Variants in CHD5 observed in about 807,000 individuals in gnomAD.
CHD5 encodes the protein chromodomain helicase DNA binding protein 5.
In CHD5, 69 loss-of-function variants were observed where a neutral mutation model predicts 230.3. The observed-to-expected ratio is 0.30, with a 90% confidence interval of 0.25 to 0.37. The LOEUF is 0.37. Ranked by LOEUF, CHD5 falls within the 10% of genes least tolerant of loss-of-function variation. The pLI is 1.00. For missense variants in CHD5, 1,827 were observed against 2,622.8 expected (o/e 0.70, Z 6.63); for synonymous variants, 1,064 against 1,065.9 (o/e 1.00, Z 0.03).
intron 15 of CHD5, among the ~76,000 whole-genome samples, chr1:6,139,286 C>T (rs1205830450): frequency 6.6e-6 from 1 of 152,086 alleles, no homozygotes; most frequent in Non-Finnish European, 1.5e-5. Context: ...GCTCTTGTTG[C>T]CCAGGCTGGA....
Position 6,167,356 on chromosome 1 carries a change from G to A in CHD5, c.207+794C>T, listed in dbSNP as rs76044468. Reference sequence around the variant, plus strand: ...TCTGTGAAGTGAGGTGCTTGCCATTGCTCTCAACATAGGGTCGCTTGGAGG... The same window carrying A: ...TCTGTGAAGTGAGGTGCTTGCCATTACTCTCAACATAGGGTCGCTTGGAGG... On this transcript the variant is annotated intron_variant, in intron 2 of 41. Coordinates refer to ENST00000262450, the MANE Select transcript of CHD5 (RefSeq NM_015557.3). This position sits in a 1 kb window ranked among gnomAD's most constrained non-coding sequence, Gnocchi z 4.5. 3.4e-3 allele frequency among the ~76,000 whole-genome samples: 518 copies of A among 152,278 alleles called. 5 individuals carry two copies. The highest frequency in any genetic ancestry group is 0.012 in the African/African-American group (504 of 41,552).
Position 6,144,020 on chromosome 1 carries a change from C to T in CHD5, c.1934+4G>A. ...TGCCTAGCAGCCGGATCCCTGCGACCCACCTGTGGCCCCAGTAGGCCTGCT... is the reference window on the plus strand; with the variant it reads ...TGCCTAGCAGCCGGATCCCTGCGACTCACCTGTGGCCCCAGTAGGCCTGCT... On this transcript the variant is annotated splice_donor_region_variant and intron_variant, in intron 12 of 41. Transcript: ENST00000262450. The T allele has an allele frequency of 1.2e-6, 2 of 1,614,140 alleles. No individual in the cohort carries two copies. Among genetic ancestry groups the T allele is most frequent in the South Asian group, 1.1e-5 (1 of 91,076 alleles).
chr1:6,154,648 C>T lies in CHD5; in HGVS notation c.745+12G>A. On this transcript the variant is annotated intron_variant, in intron 5 of 41. Transcript: ENST00000262450. This position sits in a 1 kb window ranked among gnomAD's most constrained non-coding sequence, Gnocchi z 7.0. ...CCAGCGGGACTAGGTGCCCACCCAA[C>T]CCCAGCCTTACCTTTGCCCTCCTTG... The T allele has an allele frequency of 6.5e-7, 1 of 1,543,384 alleles. No homozygotes were observed.
At chr1:6,123,431 C>A (rs542172081) in intron 31 of CHD5, among the ~76,000 whole-genome samples, 112 of 146,792 alleles carry the variant, frequency 7.6e-4, no homozygotes, top group African/African-American at 2.4e-3. Flanking sequence ...CTGAATAGTA[C>A]TTTTTTTTTT....
chr1:6,110,639 C>G (rs4908780), intron 36 of CHD5, 113 bp from the exon 37 acceptor site: 126,576 of 1,109,782 alleles, frequency 0.11, 8,437 homozygotes, highest in East Asian at 0.18. Flanking sequence ...TCTGGCTGTA[C>G]GCTCTCAGGC....
chr1:6,143,747 A>C, intron 13 of CHD5, 76 bp downstream of exon 13: 1 of 1,277,744 alleles, frequency 7.8e-7, no homozygotes, highest in Non-Finnish European at 1.1e-6. Flanking sequence ...GAGAACACAC[A>C]CCCCCTGCAC....
intron 2 of CHD5, among the ~76,000 whole-genome samples, chr1:6,160,815 T>C (rs1008984699): frequency 7.9e-5 from 12 of 152,224 alleles, no homozygotes; most frequent in African/African-American, 2.7e-4. Flanking sequence ...CCCATTTATA[T>C]GGAGATAAGG....
Position 6,105,556 on chromosome 1 carries a change from A to G in CHD5, c.*47-129T>C. On this transcript the variant is annotated intron_variant, in intron 41 of 41. Coordinates refer to ENST00000262450, the MANE Select transcript of CHD5 (RefSeq NM_015557.3). This position sits in a 1 kb window ranked among gnomAD's most constrained non-coding sequence, Gnocchi z 4.8. ...ATGATCGGGGTGCCCCCCAGCCATG[A>G]CCTCCCAGCCACAGGCTGCCGGGCC... 3.0e-6 allele frequency: 1 copy of G among 332,784 alleles called. No individual in the cohort carries two copies. 20.6% of individuals were successfully genotyped at this position (332,784 alleles called of 1,614,324 possible). A position where few individuals can be genotyped will look rare whatever the true frequency, so the allele number is the denominator to read the frequency against.
intron 11 of CHD5, among the ~76,000 whole-genome samples, chr1:6,145,183 C>G (rs889665291): frequency 6.6e-6 from 1 of 152,188 alleles, no homozygotes; most frequent in Non-Finnish European, 1.5e-5. Context: ...GAAGACCACC[C>G]ACAGCCAGCC....
At chr1:6,145,209 T>TC (rs1666892161) in intron 11 of CHD5, among the ~76,000 whole-genome samples, 1 of 152,168 alleles carries the variant, frequency 6.6e-6, no homozygotes, top group South Asian at 2.1e-4. Flanking sequence ...CAAGCTCCTG[T>TC]CACCCGTGCA....
rs1666999627 is a variant in CHD5 at position 6,151,044 on chromosome 1, T to C, written c.982A>G (p.Lys328Glu). Residue 328 changes from lysine (K) to glutamate (E), a missense_variant, in exon 7 of 42, where the codon AAG becomes GAG. By Grantham distance (56) the Lys-to-Glu change is moderately conservative. Transcript: ENST00000262450. Reference protein sequence around the residue: ...ALGKKSKRRRKKKRIDDGDGY... With the variant: ...ALGKKSKRRREKKRIDDGDGY... ...AGGGGAGTCATACTCCTCTTCTTCT[T>C]GCGCCTCCTCTTGCTCTTCTTGCCC... 3.2e-6 allele frequency: 5 copies of C among 1,572,928 alleles called. No homozygotes were observed. In the East Asian group the frequency reaches 7.0e-5, roughly 22 times the overall value.
Position 6,151,012 on chromosome 1 carries a change from C to G in CHD5, c.994+20G>C. On this transcript the variant is annotated intron_variant, in intron 7 of 41. Transcript: ENST00000262450. ...ACATCCACCCAGCAGGCCAAGAACTCTCTGGAAGGGGAGTCATACTCCTCT... is the reference window on the plus strand; with the variant it reads ...ACATCCACCCAGCAGGCCAAGAACTGTCTGGAAGGGGAGTCATACTCCTCT... 1.3e-6 allele frequency: 2 copies of G among 1,523,628 alleles called. No homozygotes were observed. The highest frequency in any genetic ancestry group is 1.9e-5 in the Admixed American group (1 of 53,294). 94.4% of individuals were successfully genotyped at this position (1,523,628 alleles called of 1,614,324 possible). A position where few individuals can be genotyped will look rare whatever the true frequency, so the allele number is the denominator to read the frequency against.
chr1:6,180,182 C>G lies in CHD5; in HGVS notation c.-159G>C, dbSNP rs1357454092. 6 of 179,140 alleles carry G rather than the reference C, an allele frequency of 3.3e-5. No homozygotes were observed. The highest frequency in any genetic ancestry group is 1.6e-4 in the African/African-American group (6 of 38,422). 11.1% of individuals were successfully genotyped at this position (179,140 alleles called of 1,614,324 possible). ...CCCCCCACCCCCCCAAACCTCCACC[C>G]CCCCGTCTCGACCCCCCTTTCTCTC... is the stretch of plus-strand genomic sequence containing the variant. On this transcript the variant is annotated 5_prime_UTR_variant, in exon 1 of 42. Coordinates refer to ENST00000262450, the MANE Select transcript of CHD5 (RefSeq NM_015557.3).
chr1:6,150,982 C>T, intron 7 of CHD5, 50 bp downstream of exon 7: 1 of 1,465,104 alleles, frequency 6.8e-7, no homozygotes, highest in Non-Finnish European at 9.1e-7. Flanking sequence ...TACTCGTGCC[C>T]CACTACATCC....
chr1:6,115,298 G>A lies in CHD5; in HGVS notation c.4913-2300C>T, dbSNP rs1184775419. Among the ~76,000 whole-genome samples, 4 of 151,786 alleles carry A rather than the reference G, an allele frequency of 2.6e-5. No individual in the cohort carries two copies. The East Asian group carries it at 5.8e-4, about 22-fold the overall frequency. ...ACACACAATCATTAACATTTTAATT[G>A]CAGAATTTAATTGCAGAATTCCAAC... On this transcript the variant is annotated intron_variant, in intron 33 of 41. Transcript: ENST00000262450.
chr1:6,167,459 G>A lies in CHD5; in HGVS notation c.207+691C>T, dbSNP rs1296945612. 1.3e-5 allele frequency among the ~76,000 whole-genome samples: 2 copies of A among 152,180 alleles called. No individual in the cohort carries two copies. The highest frequency in any genetic ancestry group is 2.9e-5 in the Non-Finnish European group (2 of 68,044). ...GACCTCAGTGTCCTAGACCAAGTAG[G>A]AAGGACTTTAAGCTGCAAACCCACC... On this transcript the variant is annotated intron_variant, in intron 2 of 41. Coordinates refer to ENST00000262450, the MANE Select transcript of CHD5 (RefSeq NM_015557.3). The surrounding 1 kb of genome is among the most constrained non-coding windows in gnomAD (Gnocchi z 4.5).
Position 6,148,896 on chromosome 1 carries a change from C to G in CHD5, c.1341G>C (p.Leu447=). The change falls in exon 9 of 42, where the codon CTG becomes CTC. Residue 447 remains leucine, a synonymous_variant. Transcript: ENST00000262450. The part of the protein sequence containing the change: ...SYHLHCLNPP[L]PEIPNGEWLC... ...GCCATTCACCGTTTGGGATCTCGGG[C>G]AGCGGCGGGTTGAGGCAATGCAGGT... 6.3e-7 allele frequency: 1 copy of G among 1,586,948 alleles called. No homozygotes were observed.
In CHD5 at chr1:6,159,471, C is replaced by A; in HGVS notation, c.252G>T (p.Glu84Asp). The A allele has an allele frequency of 6.3e-7, 1 of 1,597,746 alleles. No homozygotes were observed. The highest frequency in any genetic ancestry group is 8.5e-7 in the Non-Finnish European group (1 of 1,169,948). Residue 84 changes from glutamate (E) to aspartate (D), a missense_variant, in exon 3 of 42, where the codon GAG becomes GAT. Around this residue, in one of 14 missense-constraint regions of CHD5, gnomAD observed 657 missense variants for 816.4 expected, o/e 0.80. Coordinates refer to ENST00000262450, the MANE Select transcript of CHD5 (RefSeq NM_015557.3). ...ELSENEEDLE[E>D]KSESEGSDYS... ...AGTCACTGCCTTCACTCTCCGACTT[C>A]TCTTCCAGATCCTCTTCATTCTCTG...
At position 6,125,863 on chromosome 1, in the gene CHD5, A is replaced by C. The variant is rs1348556334; in HGVS notation, c.4079-5T>G. Reference sequence around the variant, plus strand: ...CAGAGAGCTCATCCTGCCACTCTGCAGGGGGCCAGACAGAGGGGCACGGAG... The same window carrying C: ...CAGAGAGCTCATCCTGCCACTCTGCCGGGGGCCAGACAGAGGGGCACGGAG... On this transcript the variant is annotated splice_polypyrimidine_tract_variant and splice_region_variant and intron_variant, in intron 26 of 41. Coordinates refer to ENST00000262450, the MANE Select transcript of CHD5 (RefSeq NM_015557.3). The surrounding 1 kb of genome is among the most constrained non-coding windows in gnomAD (Gnocchi z 6.7). 1 of 1,608,724 alleles carries C rather than the reference A, an allele frequency of 6.2e-7. No homozygotes were observed.
Sources: allele counts gnomAD v4.1 joint callset (sites outside exome capture counted in the v4.1 genomes callset), GRCh38; gene constraint gnomAD v4.1.1; regional missense constraint gnomAD v4.1.1; non-coding constraint Gnocchi (gnomAD v3.1); transcripts MANE v1.5; gene names NCBI Gene and HGNC (gene_info 2026-07-23, HGNC 2026-07-21).